EVPLL: variants seen among roughly 807,000 people sequenced by gnomAD.
EVPLL encodes the protein envoplakin-like protein.
A neutral mutation model predicts 46.2 loss-of-function variants in EVPLL; 39 were observed. That is an observed-to-expected ratio of 0.84 (90% CI 0.65 to 1.10). The LOEUF (loss-of-function observed/expected upper bound fraction) is 1.10. Among genes scored for constraint, EVPLL ranks in the 50% least tolerant of loss-of-function variants. The probability of loss-of-function intolerance (pLI) is 0.00; values close to 1 mark genes in which losing one functional copy is unlikely to be tolerated. For synonymous variants in EVPLL, 156 were observed against 165.8 expected (o/e 0.94, Z 0.46); for missense variants, 385 against 412.6 (o/e 0.93, Z 0.58).
Position 18,383,321 on chromosome 17 carries a change from G to T in EVPLL, c.723G>T (p.Leu241=), listed in dbSNP as rs1190437922. ...LLSQEQSVNQ[L]EEDGKRMVEL... ...GCCAGGAGCAGAGCGTAAACCAGCTGGAGGAGGACGGCAAGCGCATGGTGG... is the reference window on the plus strand; with the variant it reads ...GCCAGGAGCAGAGCGTAAACCAGCTTGAGGAGGACGGCAAGCGCATGGTGG... The change falls in exon 8 of 11, where the codon CTG becomes CTT. Residue 241 remains leucine (L), a synonymous_variant. Transcript: ENST00000399134. 3.7e-6 allele frequency: 6 copies of T among 1,605,732 alleles called. No homozygotes were observed. Among genetic ancestry groups the T allele is most frequent in the Non-Finnish European group, 5.1e-6 (6 of 1,177,126 alleles).
At chr17:18,382,977 C>T in intron 6 of EVPLL, 48 bp from the exon 7 acceptor site, 1 of 1,564,896 alleles carries the variant, frequency 6.4e-7, no homozygotes, top group Non-Finnish European at 8.6e-7. Context: ...TTTTGCCCCC[C>T]ACTTTCTCTC....
In EVPLL at chr17:18,382,920, C is replaced by T. The variant is rs58499955; in HGVS notation, c.511+56C>T. ...CTGCAGGTGGGCCTGGGTGGCCGCC[C>T]GGACCCTGCCCGGGGCCAGTGTTCC... On this transcript the variant is annotated intron_variant, in intron 6 of 10. Transcript: ENST00000399134. 0.011 allele frequency: 16,829 copies of T among 1,599,882 alleles called. 858 individuals carry two copies. The African/African-American group carries it at 0.15, about 14-fold the overall frequency.
chr17:18,379,727 A>G (rs1987497394), intron 1 of EVPLL: 2 of 152,280 alleles, frequency 1.3e-5, no homozygotes, highest in African/African-American at 2.4e-5. Context: ...GACAGAACCA[A>G]CAGGCCCCTG....
At chr17:18,388,054 A>ATATATATATACATGTATATGTG (rs1312083690) in intron 9 of EVPLL, 165 bp from the exon 10 acceptor site, 1 of 192,910 alleles carries the variant, frequency 5.2e-6, no homozygotes, top group African/African-American at 2.9e-5. Context: ...ATATATATGT[A>ATATATATATACATGTATATGTG]TATATATATA....
Position 18,381,741 on chromosome 17 carries a change from CAA to C in EVPLL, c.346+13_346+14del. ...CTGGAGCAGAAACAGGTCAGGAGCT[CAA>C]AGTCACACCCCAGTGTGATCAGAGG... On this transcript the variant is annotated intron_variant, in intron 4 of 10. Coordinates refer to ENST00000399134, the MANE Select transcript of EVPLL (RefSeq NM_001145127.2). This position sits in a 1 kb window ranked among gnomAD's most constrained non-coding sequence, Gnocchi z 4.2. The C allele has an allele frequency of 1.2e-6, 2 of 1,614,090 alleles. No homozygotes were observed. The highest frequency in any genetic ancestry group is 1.7e-4 in the Middle Eastern group (1 of 6,044).
At chr17:18,380,150 T>G (rs1272865046) in intron 1 of EVPLL, 2 of 152,304 alleles carry the variant, frequency 1.3e-5, no homozygotes, top group African/African-American at 4.8e-5. Flanking sequence ...TTAGGTCTGC[T>G]TGGCCTTGTG....
chr17:18,383,688 G>A (rs532612847), intron 9 of EVPLL, 101 bp downstream of exon 9: 139 of 1,118,122 alleles, frequency 1.2e-4, no homozygotes, highest in Non-Finnish European at 1.7e-4. Context: ...ACTAGACAGA[G>A]CTGGCAAGTC....
rs1249015324 is a variant in EVPLL at position 18,389,263 on chromosome 17, TCAG to T, written c.*448_*450del. On this transcript the variant is annotated 3_prime_UTR_variant, in exon 11 of 11. Coordinates refer to ENST00000399134, the MANE Select transcript of EVPLL (RefSeq NM_001145127.2). ...TTACCAGAGCCACAGCCCTGCTGCC[TCAG>T]GACCTTTTCATTCTGCCGGTGCTGG... 3 of 145,728 alleles carry T rather than the reference TCAG, an allele frequency of 2.1e-5. No individual in the cohort carries two copies. The East Asian group carries it at 5.8e-4, about 28-fold the overall frequency. The allele number at this position is 145,728 out of a possible 1,614,324, so 9.0% of individuals were successfully genotyped here.
chr17:18,378,815 TG>T (rs1444961458), intron 1 of EVPLL, among the ~76,000 whole-genome samples: 1 of 148,506 alleles, frequency 6.7e-6, no homozygotes, highest in Non-Finnish European at 1.5e-5. Context: ...CAATACCTCA[TG>T]CCTGCAATCC....
chr17:18,385,460 G>A (rs1987737649), intron 9 of EVPLL, among the ~76,000 whole-genome samples: 1 of 131,234 alleles, frequency 7.6e-6, no homozygotes, highest in South Asian at 2.5e-4. Context: ...ACCAAAGAAT[G>A]GTCTGCACAG....
In EVPLL at chr17:18,381,775, C is replaced by T. The variant is rs767222776; in HGVS notation, c.346+45C>T. The T allele has an allele frequency of 3.1e-5, 50 of 1,613,150 alleles. No individual in the cohort carries two copies. In the African/African-American group the frequency reaches 4.0e-4, roughly 13 times the overall value. On this transcript the variant is annotated intron_variant, in intron 4 of 10. Transcript: ENST00000399134. The surrounding 1 kb of genome is among the most constrained non-coding windows in gnomAD (Gnocchi z 4.2). ...ACCCCAGTGTGATCAGAGGGTGATA[C>T]GGAACTGCATTTAACCCAGGGCCTG...
chr17:18,382,068 G>A (rs1295501253), intron 4 of EVPLL: 7 of 416,548 alleles, frequency 1.7e-5, no homozygotes, highest in Non-Finnish European at 3.1e-5. Context: ...CCAGGACATG[G>A]GGCATTCTGA....
chr17:18,384,050 G>A (rs1416143268), intron 9 of EVPLL, among the ~76,000 whole-genome samples: 2 of 152,186 alleles, frequency 1.3e-5, no homozygotes, highest in African/African-American at 4.8e-5. Flanking sequence ...ATTCTCAACA[G>A]GGTGAAGCCG....
intron 1 of EVPLL, among the ~76,000 whole-genome samples, chr17:18,378,522 G>A (rs1987455748): frequency 1.3e-5 from 2 of 152,268 alleles, no homozygotes; most frequent in Admixed American, 6.5e-5. Flanking sequence ...GAAGAGTTAG[G>A]GGTTCATGGC....
In EVPLL at chr17:18,377,829, C is replaced by T. The variant is rs2151625071; in HGVS notation, c.-191C>T. 2.9e-6 allele frequency: 2 copies of T among 687,574 alleles called. No homozygotes were observed. The highest frequency in any genetic ancestry group is 4.9e-6 in the Non-Finnish European group (2 of 408,826). 42.6% of individuals were successfully genotyped at this position (687,574 alleles called of 1,614,324 possible). ...GGACGCCCGCTGCCTCCCACCTGCC[C>T]TCCTGCCCTCCTTCACCAGCCAAGC... is the stretch of plus-strand genomic sequence containing the variant. On this transcript the variant is annotated 5_prime_UTR_variant, in exon 1 of 11. Transcript: ENST00000399134.
chr17:18,382,457 G>A, intron 4 of EVPLL, 56 bp from the exon 5 acceptor site: 1 of 1,546,580 alleles, frequency 6.5e-7, no homozygotes, highest in Admixed American at 2.0e-5. Context: ...GACGTGTGGG[G>A]TTCTCTGGCT....
At position 18,381,891 on chromosome 17, in the gene EVPLL, C is replaced by T. The variant is rs1350262926; in HGVS notation, c.346+161C>T. On this transcript the variant is annotated intron_variant, in intron 4 of 10. Coordinates refer to ENST00000399134, the MANE Select transcript of EVPLL (RefSeq NM_001145127.2). This position sits in a 1 kb window ranked among gnomAD's most constrained non-coding sequence, Gnocchi z 4.2. The stretch of plus-strand genomic sequence containing the variant: ...AGACAGTGCAGTCAGGGAAGACTTC[C>T]TGTAGGAGGAGGCACATGAAGAGAC... 8.4e-7 allele frequency: 1 copy of T among 1,183,774 alleles called. No individual in the cohort carries two copies. The highest frequency in any genetic ancestry group is 1.2e-6 in the Non-Finnish European group (1 of 844,148). 73.3% of individuals were successfully genotyped at this position (1,183,774 alleles called of 1,614,324 possible). A position where few individuals can be genotyped will look rare whatever the true frequency, so the allele number is the denominator to read the frequency against.
chr17:18,381,762 T>A lies in EVPLL; in HGVS notation c.346+32T>A. ...AGCTCAAAGTCACACCCCAGTGTGA[T>A]CAGAGGGTGATACGGAACTGCATTT... is the stretch of plus-strand genomic sequence containing the variant. On this transcript the variant is annotated intron_variant, in intron 4 of 10. Coordinates refer to ENST00000399134, the MANE Select transcript of EVPLL (RefSeq NM_001145127.2). The surrounding 1 kb of genome is among the most constrained non-coding windows in gnomAD (Gnocchi z 4.2). The A allele has an allele frequency of 1.2e-6, 2 of 1,613,790 alleles. No individual in the cohort carries two copies. The highest frequency in any genetic ancestry group is 1.7e-6 in the Non-Finnish European group (2 of 1,179,946).
chr17:18,385,098 C>T (rs1987727773), intron 9 of EVPLL, among the ~76,000 whole-genome samples: 1 of 151,306 alleles, frequency 6.6e-6, no homozygotes, highest in Non-Finnish European at 1.5e-5. Flanking sequence ...GGTCGGGGCA[C>T]TCTGGGTCCC....
Sources: gnomAD v4.1 joint callset for allele counts (sites outside exome capture counted in the v4.1 genomes callset) on GRCh38, gnomAD v4.1.1 for gene constraint, Gnocchi (gnomAD v3.1) non-coding constraint, MANE v1.5 for transcripts, NCBI Gene and HGNC (gene_info 2026-07-23, HGNC 2026-07-21) for gene names.